LOC128125817: variants seen among roughly 807,000 people sequenced by gnomAD.
At chr1:41,603,662 C>T in the LOC128125817 span, among the ~76,000 whole-genome samples, 3 of 152,144 alleles carry the variant, frequency 2.0e-5, no homozygotes, top group Admixed American at 1.3e-4. Context: ...GCCTGGCCTG[C>T]TATTGATTTC....
At chr1:41,615,379 C>T in the LOC128125817 span, among the ~76,000 whole-genome samples, 1 of 152,234 alleles carries the variant, frequency 6.6e-6, no homozygotes, top group Non-Finnish European at 1.5e-5. Context: ...CCATCTCCTC[C>T]ACCTGGAGAA....
the LOC128125817 span, among the ~76,000 whole-genome samples, chr1:41,588,725 G>A: frequency 9.9e-5 from 15 of 152,282 alleles, no homozygotes; most frequent in African/African-American, 2.6e-4. Flanking sequence ...CTGCCAGGGC[G>A]CAGAGTGAGC....
chr1:41,596,877 T>C, the LOC128125817 span, among the ~76,000 whole-genome samples: 1 of 152,178 alleles, frequency 6.6e-6, no homozygotes, highest in East Asian at 1.9e-4. Flanking sequence ...CTTCCCTGGT[T>C]AACTGCAGCC....
chr1:41,615,407 C>T, the LOC128125817 span, among the ~76,000 whole-genome samples: 4 of 152,332 alleles, frequency 2.6e-5, no homozygotes, highest in South Asian at 8.3e-4. Context: ...CCTGGCTTCC[C>T]CATCACACCA....
the LOC128125817 span, among the ~76,000 whole-genome samples, chr1:41,611,517 A>G: frequency 6.6e-6 from 1 of 152,248 alleles, no homozygotes; most frequent in Non-Finnish European, 1.5e-5. Flanking sequence ...AGATGAGGAC[A>G]CAAAGGCACC....
chr1:41,626,332 T>A, the LOC128125817 span, among the ~76,000 whole-genome samples: 1 of 152,216 alleles, frequency 6.6e-6, no homozygotes, highest in Non-Finnish European at 1.5e-5. Flanking sequence ...CAGCACCTCA[T>A]TAATCACAGG....
the LOC128125817 span, among the ~76,000 whole-genome samples, chr1:41,600,306 G>A: frequency 6.6e-6 from 1 of 152,186 alleles, no homozygotes; most frequent in South Asian, 2.1e-4. Context: ...GCCAAAGGTG[G>A]AAGCAATCCA....
the LOC128125817 span, among the ~76,000 whole-genome samples, chr1:41,623,076 C>A: frequency 5.9e-5 from 9 of 152,182 alleles, no homozygotes; most frequent in Non-Finnish European, 1.0e-4. Context: ...TGAGCTGGGG[C>A]CCTCAGTGCC....
the LOC128125817 span, among the ~76,000 whole-genome samples, chr1:41,604,982 G>A: frequency 3.3e-5 from 5 of 151,722 alleles, no homozygotes; most frequent in African/African-American, 1.2e-4. Context: ...GTGCACACCT[G>A]TGGTCCTAGC....
At chr1:41,619,403 ACACTT>A in the LOC128125817 span, among the ~76,000 whole-genome samples, 1 of 152,200 alleles carries the variant, frequency 6.6e-6, no homozygotes, top group Non-Finnish European at 1.5e-5. Context: ...TATTTTACAT[ACACTT>A]ATGTTTTTAA....
At chr1:41,595,466 G>A in the LOC128125817 span, among the ~76,000 whole-genome samples, 4,327 of 152,266 alleles carry the variant, frequency 0.028, 201 homozygotes, top group African/African-American at 0.1. Context: ...GGGACATGCC[G>A]AGAAAGGAGT....
chr1:41,625,460 C>A, the LOC128125817 span, among the ~76,000 whole-genome samples: 1 of 152,194 alleles, frequency 6.6e-6, no homozygotes, highest in Non-Finnish European at 1.5e-5. Context: ...GGCCCACAGG[C>A]AAGTTTGCCA....
At chr1:41,594,656 T>A in the LOC128125817 span, among the ~76,000 whole-genome samples, 4 of 152,254 alleles carry the variant, frequency 2.6e-5, no homozygotes, top group Non-Finnish European at 5.9e-5. Flanking sequence ...AAGCTATTGA[T>A]CCTTTACATA....
At chr1:41,611,482 G>A in the LOC128125817 span, among the ~76,000 whole-genome samples, 347 of 152,314 alleles carry the variant, frequency 2.3e-3, 1 homozygote, top group South Asian at 4.8e-3. Context: ...CTATCAGGCC[G>A]GCAATGTTTT....
At chr1:41,605,369 A>G in the LOC128125817 span, among the ~76,000 whole-genome samples, 21 of 114,544 alleles carry the variant, frequency 1.8e-4, no homozygotes, top group African/African-American at 7.3e-4. Flanking sequence ...ACACACACGC[A>G]CACGCGCACA....
the LOC128125817 span, among the ~76,000 whole-genome samples, chr1:41,589,855 G>A: frequency 6.6e-6 from 1 of 152,178 alleles, no homozygotes; most frequent in Non-Finnish European, 1.5e-5. Context: ...CCAAAATCTG[G>A]TCAAAAATTT....
chr1:41,588,872 C>A, the LOC128125817 span, among the ~76,000 whole-genome samples: 1 of 151,870 alleles, frequency 6.6e-6, no homozygotes, highest in African/African-American at 2.4e-5. Flanking sequence ...CTCTACCACA[C>A]CATGACAGGT....
the LOC128125817 span, among the ~76,000 whole-genome samples, chr1:41,595,600 A>C: frequency 6.6e-6 from 1 of 152,208 alleles, no homozygotes; most frequent in African/African-American, 2.4e-5. Flanking sequence ...GTGATGATTA[A>C]TATCGAATGT....
the LOC128125817 span, among the ~76,000 whole-genome samples, chr1:41,620,648 G>A: frequency 3.3e-5 from 5 of 152,108 alleles, no homozygotes; most frequent in African/African-American, 1.2e-4. Context: ...TGCATTTCCA[G>A]CAGCTCTCAC....
Sources: allele counts gnomAD v4.1 joint callset (sites outside exome capture counted in the v4.1 genomes callset), GRCh38; gene constraint gnomAD v4.1.1; transcripts MANE v1.5.